The following ASTN2 variants were observed in gnomAD, a reference collection of about 807,000 sequenced individuals.
ASTN2 encodes astrotactin-2.
Under a neutral mutation model 139.8 loss-of-function variants are expected in ASTN2, and 54 were observed. The observed-to-expected ratio is 0.39, with a 90% confidence interval of 0.31 to 0.48. The LOEUF (loss-of-function observed/expected upper bound fraction) is 0.48, where lower values mean the gene tolerates loss of function less well. Among genes scored for constraint, ASTN2 ranks in the 20% least tolerant of loss-of-function variants. The pLI is 0.95. For missense variants in ASTN2, 1,565 were observed against 1,725.1 expected, an observed-to-expected ratio of 0.91 and a Z score of 1.64; for synonymous variants, 756 against 719.5, an observed-to-expected ratio of 1.05 and a Z score of -0.81.
chr9:116,442,583 G>T, intron 20 of ASTN2, 30 bp from the exon 21 acceptor site: 1 of 1,590,688 alleles, frequency 6.3e-7, no homozygotes, highest in Non-Finnish European at 8.6e-7. Flanking sequence ...CAGAGCACCA[G>T]GCTGTGACTT....
chr9:116,697,993 A>T lies in ASTN2; in HGVS notation c.2806+27778T>A, dbSNP rs1408140067. ...CTGACAGACAATCTGACAGTGCTAA[A>T]GATCATTGATACAGCTGGGCTCAGC... On this transcript the variant is annotated intron_variant, in intron 16 of 22. Transcript: ENST00000313400. 3 of 1,614,214 alleles carry T rather than the reference A, an allele frequency of 1.9e-6. No homozygotes were observed. The highest frequency in any genetic ancestry group is 2.5e-6 in the Non-Finnish European group (3 of 1,180,046).
chr9:116,953,196 A>C (rs991265222), intron 10 of ASTN2, among the ~76,000 whole-genome samples: 1 of 152,224 alleles, frequency 6.6e-6, no homozygotes, highest in African/African-American at 2.4e-5. Flanking sequence ...CTTTGGCTTA[A>C]CTGAAAATAA....
At chr9:116,976,437 A>G (rs147000909) in intron 8 of ASTN2, among the ~76,000 whole-genome samples, 1 of 152,364 alleles carries the variant, frequency 6.6e-6, no homozygotes, top group East Asian at 1.9e-4. Context: ...TCCACTTAAG[A>G]AAGTGTTCAT....
intron 10 of ASTN2, among the ~76,000 whole-genome samples, chr9:116,911,495 G>A (rs528523548): frequency 2.6e-5 from 4 of 152,196 alleles, no homozygotes; most frequent in South Asian, 4.1e-4. Context: ...GAGGATATTA[G>A]TGGAAAAACT....
chr9:116,669,584 T>A (rs1932319133), intron 16 of ASTN2, among the ~76,000 whole-genome samples: 1 of 152,212 alleles, frequency 6.6e-6, no homozygotes, highest in Non-Finnish European at 1.5e-5. Context: ...GTGACATGTA[T>A]ATTAAAGTCT....
chr9:117,110,534 T>C (rs561196097), intron 4 of ASTN2, among the ~76,000 whole-genome samples: 6 of 152,198 alleles, frequency 3.9e-5, no homozygotes, highest in Non-Finnish European at 7.3e-5. Context: ...AATCCTATGT[T>C]AACAAAATGA....
chr9:116,565,351 TTCTCTC>T (rs772428232), intron 19 of ASTN2, among the ~76,000 whole-genome samples: 14 of 36,014 alleles, frequency 3.9e-4, no homozygotes, highest in Non-Finnish European at 6.1e-4. Context: ...AAGACACTGT[TTCTCTC>T]TCTCTCTCTC....
chr9:116,725,803 A>T lies in ASTN2; in HGVS notation c.2774T>A (p.Val925Asp). 1 of 1,613,828 alleles carries T rather than the reference A, an allele frequency of 6.2e-7. No homozygotes were observed. Among genetic ancestry groups the T allele is most frequent in the South Asian group, 1.1e-5 (1 of 91,060 alleles). ...ATACTGGAGCCACAGCTGCTGCTGG[A>T]CCTTCTTGCTGGGAAAGTGGATGAT... ...TCIIHFPSKK[V>D]QQQLWLQYQK... Residue 925 changes from valine (V) to aspartate (D), a missense_variant, in exon 16 of 23, where the codon GTC (valine) becomes GAC (aspartate). Around this residue, in one of 4 missense-constraint regions of ASTN2, gnomAD observed 48 missense variants for 90.7 expected, o/e 0.53. Coordinates refer to ENST00000313400, the MANE Select transcript of ASTN2 (RefSeq NM_001365068.1).
At chr9:116,766,079 G>A (rs1829799367) in intron 13 of ASTN2, among the ~76,000 whole-genome samples, 2 of 152,026 alleles carry the variant, frequency 1.3e-5, no homozygotes, top group South Asian at 2.1e-4. Flanking sequence ...TTAAAAGAGA[G>A]CCTAAAACAT....
intron 1 of ASTN2, among the ~76,000 whole-genome samples, chr9:117,339,022 G>T (rs1004112480): frequency 2.0e-5 from 3 of 152,048 alleles, no homozygotes; most frequent in Non-Finnish European, 4.4e-5. Context: ...GATGATGGGG[G>T]AGCTGTAGAC....
chr9:116,563,428 A>G (rs1400158787), intron 19 of ASTN2, among the ~76,000 whole-genome samples: 1 of 152,002 alleles, frequency 6.6e-6, no homozygotes. Flanking sequence ...AATTATCCCA[A>G]CAGAATAGCA....
At chr9:116,755,733 G>T (rs1455131525) in intron 13 of ASTN2, among the ~76,000 whole-genome samples, 1 of 152,334 alleles carries the variant, frequency 6.6e-6, no homozygotes, top group African/African-American at 2.4e-5. Context: ...TTAAATCAAA[G>T]GTTTAAAAAT....
Position 116,699,430 on chromosome 9 carries a change from G to T in ASTN2, c.2806+26341C>A, listed in dbSNP as rs138056275. 1.2e-6 allele frequency: 2 copies of T among 1,614,146 alleles called. No individual in the cohort carries two copies. ...GTAGGCCCTGATGGGCAGCTGGGTCGCCAGATTAGCCACTTCTTCTCGGAG... is the reference window on the plus strand; with the variant it reads ...GTAGGCCCTGATGGGCAGCTGGGTCTCCAGATTAGCCACTTCTTCTCGGAG... On this transcript the variant is annotated intron_variant, in intron 16 of 22. Coordinates refer to ENST00000313400, the MANE Select transcript of ASTN2 (RefSeq NM_001365068.1). This position sits in a 1 kb window ranked among gnomAD's most constrained non-coding sequence, Gnocchi z 4.2.
intron 19 of ASTN2, among the ~76,000 whole-genome samples, chr9:116,547,102 C>G (rs1852130031): frequency 6.6e-6 from 1 of 152,172 alleles, no homozygotes. Flanking sequence ...TCTCCCTCCC[C>G]TTCCACTCCT....
intron 7 of ASTN2, among the ~76,000 whole-genome samples, chr9:116,983,818 G>A (rs1326006135): frequency 6.6e-6 from 1 of 152,126 alleles, no homozygotes; most frequent in African/African-American, 2.4e-5. Flanking sequence ...ACATCTACAG[G>A]CTGTGGCTGG....
chr9:117,073,632 T>C (rs1156458240), intron 5 of ASTN2, among the ~76,000 whole-genome samples: 2 of 152,206 alleles, frequency 1.3e-5, no homozygotes, highest in East Asian at 1.9e-4. Context: ...AAAAATATAC[T>C]GTTACACTCA....
chr9:117,273,146 A>T (rs570923169), intron 2 of ASTN2, among the ~76,000 whole-genome samples: 2 of 152,330 alleles, frequency 1.3e-5, no homozygotes, highest in African/African-American at 4.8e-5. Flanking sequence ...CACTTCTTAC[A>T]TGGCAGTGGC....
chr9:117,329,420 T>C (rs921678670), intron 1 of ASTN2, among the ~76,000 whole-genome samples: 4 of 151,798 alleles, frequency 2.6e-5, no homozygotes, highest in African/African-American at 4.8e-5. Context: ...TGAATAATAA[T>C]GTAGACAGGA....
intron 10 of ASTN2, among the ~76,000 whole-genome samples, chr9:116,868,000 A>G (rs542585306): frequency 8.5e-5 from 13 of 152,096 alleles, no homozygotes; most frequent in Non-Finnish European, 1.5e-4. Context: ...AGCTGCCCCA[A>G]TCTTGGGGCG....
Sources: allele counts gnomAD v4.1 joint callset (sites outside exome capture counted in the v4.1 genomes callset), GRCh38; gene constraint gnomAD v4.1.1; regional missense constraint gnomAD v4.1.1; non-coding constraint Gnocchi (gnomAD v3.1); transcripts MANE v1.5; gene names NCBI Gene and HGNC (gene_info 2026-07-23, HGNC 2026-07-21).